Variants in SFMBT1 observed in about 807,000 individuals in gnomAD.
SFMBT1 encodes scm-like with four MBT domains protein 1.
Under a neutral mutation model 108.7 loss-of-function variants are expected in SFMBT1, and 32 were observed. That is an observed-to-expected ratio of 0.29 (90% CI 0.22 to 0.40). The LOEUF (loss-of-function observed/expected upper bound fraction) is 0.40. Ranked by LOEUF, SFMBT1 falls within the 10% of genes least tolerant of loss-of-function variation. SFMBT1 has a pLI of 1.00. For missense variants in SFMBT1, 816 were observed against 1,059.6 expected (o/e 0.77, Z 3.19); for synonymous variants, 348 against 369.5 (o/e 0.94, Z 0.67).
chr3:52,915,707 G>A (rs963901547), intron 14 of SFMBT1, among the ~76,000 whole-genome samples: 1 of 152,056 alleles, frequency 6.6e-6, no homozygotes, highest in Non-Finnish European at 1.5e-5. Context: ...ATTGCCTCTG[G>A]GACAATTTCT....
chr3:52,915,879 G>A (rs1702333208), intron 14 of SFMBT1, among the ~76,000 whole-genome samples: 1 of 152,210 alleles, frequency 6.6e-6, no homozygotes, highest in Non-Finnish European at 1.5e-5. Context: ...CTAAAGTCAA[G>A]GATGGTAACA....
intron 11 of SFMBT1, 100 bp from the exon 12 acceptor site, chr3:52,920,750 C>A: frequency 1.5e-6 from 1 of 674,728 alleles, no homozygotes; most frequent in South Asian, 2.0e-5. Flanking sequence ...ATGTTCTACT[C>A]TTATAATAAT....
At chr3:52,985,012 T>C (rs916263074) in intron 1 of SFMBT1, among the ~76,000 whole-genome samples, 4 of 152,208 alleles carry the variant, frequency 2.6e-5, no homozygotes, top group African/African-American at 9.7e-5. Flanking sequence ...AAAATCATTC[T>C]TTATCCTTAT....
intron 2 of SFMBT1, among the ~76,000 whole-genome samples, chr3:52,956,229 C>T (rs1286010375): frequency 5.9e-5 from 9 of 152,066 alleles, no homozygotes; most frequent in South Asian, 2.1e-4. Context: ...TGGGAGACCG[C>T]GGCAGGCAGA....
intron 1 of SFMBT1, among the ~76,000 whole-genome samples, chr3:53,015,917 G>C (rs1293097033): frequency 1.3e-5 from 2 of 152,050 alleles, no homozygotes; most frequent in Non-Finnish European, 2.9e-5. Context: ...CTTTAAGTAG[G>C]TGATTTTCCT....
chr3:53,025,459 A>C (rs957448002), intron 1 of SFMBT1, among the ~76,000 whole-genome samples: 2 of 152,126 alleles, frequency 1.3e-5, no homozygotes, highest in African/African-American at 2.4e-5. Flanking sequence ...AATTTTAAAA[A>C]TTTAAAAATT....
intron 19 of SFMBT1, 107 bp downstream of exon 19, chr3:52,906,962 T>C: frequency 1.5e-6 from 2 of 1,376,478 alleles, no homozygotes; most frequent in Non-Finnish European, 1.9e-6. Context: ...AAATTCTACA[T>C]AAGTCTGTAT....
intron 8 of SFMBT1, chr3:52,928,593 TATATATACATATATAC>T: frequency 1.5e-5 from 2 of 136,972 alleles, no homozygotes; most frequent in South Asian, 4.3e-4. Flanking sequence ...CATATATACA[TATATATACATATATAC>T]ATATATATAC....
intron 1 of SFMBT1, among the ~76,000 whole-genome samples, chr3:52,998,873 C>CTCGCCTAGCTGTTGA (rs1303891909): frequency 6.6e-6 from 1 of 150,696 alleles, no homozygotes; most frequent in Non-Finnish European, 1.5e-5. Flanking sequence ...TGCAGCGCTG[C>CTCGCCTAGCTGTTGA]TCGCCTAGCT....
At chr3:53,012,529 A>G (rs1194390682) in intron 1 of SFMBT1, among the ~76,000 whole-genome samples, 1 of 152,002 alleles carries the variant, frequency 6.6e-6, no homozygotes, top group East Asian at 1.9e-4. Context: ...CAGCCTCCCG[A>G]GTAGCTGGGA....
At chr3:53,040,583 A>G (rs1384494686) in intron 1 of SFMBT1, among the ~76,000 whole-genome samples, 1 of 151,988 alleles carries the variant, frequency 6.6e-6, no homozygotes, top group Non-Finnish European at 1.5e-5. Context: ...AGACTAAGCA[A>G]AAACATCAAA....
At chr3:52,982,590 A>G (rs1704750539) in intron 1 of SFMBT1, among the ~76,000 whole-genome samples, 1 of 151,958 alleles carries the variant, frequency 6.6e-6, no homozygotes, top group East Asian at 1.9e-4. Context: ...TTAGCCGGAC[A>G]TGGTGGCATA....
chr3:52,991,342 C>CTTT (rs71087045), intron 1 of SFMBT1, among the ~76,000 whole-genome samples: 2 of 91,210 alleles, frequency 2.2e-5, no homozygotes, highest in Admixed American at 1.3e-4. Context: ...GCTGAAACTT[C>CTTT]TTTTTTTTTT....
At chr3:53,032,452 G>A (rs1046588275) in intron 1 of SFMBT1, among the ~76,000 whole-genome samples, 1 of 152,184 alleles carries the variant, frequency 6.6e-6, no homozygotes, top group African/African-American at 2.4e-5. Context: ...AAGTGGTAGA[G>A]GTGGGCAGGG....
At chr3:53,007,166 C>T (rs926335175) in intron 1 of SFMBT1, among the ~76,000 whole-genome samples, 12 of 152,186 alleles carry the variant, frequency 7.9e-5, no homozygotes, top group African/African-American at 2.9e-4. Flanking sequence ...TGTTTGGGGG[C>T]TTTTTGTGTT....
At chr3:53,026,672 A>G (rs552161885) in intron 1 of SFMBT1, among the ~76,000 whole-genome samples, 1 of 152,288 alleles carries the variant, frequency 6.6e-6, no homozygotes, top group African/African-American at 2.4e-5. Context: ...TAGATATAAC[A>G]GCCCAGAGAT....
chr3:52,922,791 A>G (rs971583796), intron 10 of SFMBT1, among the ~76,000 whole-genome samples: 1 of 152,210 alleles, frequency 6.6e-6, no homozygotes, highest in Non-Finnish European at 1.5e-5. Flanking sequence ...AAAAGAGAAG[A>G]TGCCTAGGTA....
At chr3:53,040,565 C>A (rs556465742) in intron 1 of SFMBT1, among the ~76,000 whole-genome samples, 4 of 151,694 alleles carry the variant, frequency 2.6e-5, no homozygotes, top group Non-Finnish European at 5.9e-5. Flanking sequence ...AATAATTAAC[C>A]TTTCTCTAGA....
At chr3:52,977,563 A>G (rs1297145269) in intron 1 of SFMBT1, among the ~76,000 whole-genome samples, 1 of 152,166 alleles carries the variant, frequency 6.6e-6, no homozygotes, top group Non-Finnish European at 1.5e-5. Context: ...GTCAATCAAT[A>G]CATAATGGCA....
Sources: allele counts gnomAD v4.1 joint callset (sites outside exome capture counted in the v4.1 genomes callset), GRCh38; gene constraint gnomAD v4.1.1; transcripts MANE v1.5; gene names NCBI Gene and HGNC (gene_info 2026-07-23, HGNC 2026-07-21).